Variants in AGO3 observed in about 807,000 individuals in gnomAD.
AGO3 encodes argonaute RISC catalytic component 3.
In AGO3, 16 loss-of-function variants were observed where a neutral mutation model predicts 105.5. The observed-to-expected ratio is 0.15, with a 90% CI of 0.10 to 0.23. The LOEUF is 0.23. Among genes scored for constraint, AGO3 ranks in the 10% least tolerant of loss-of-function variants. The pLI is 1.00. For synonymous variants in AGO3, 340 were observed against 367.3 expected (o/e 0.93, Z 0.85); for missense variants, 534 against 1,088.0 (o/e 0.49, Z 7.16).
rs1646906777 is a variant in AGO3, at chr1:35,973,637, A to C, written c.658+126A>C. On this transcript the variant is annotated intron_variant, in intron 5 of 18. Coordinates refer to ENST00000373191, the MANE Select transcript of AGO3 (RefSeq NM_024852.4). The stretch of plus-strand genomic sequence containing the variant: ...AATATTTGGACATGTATTATGATCT[A>C]CTGGAGAAACCTTTATATTTTTATT... The C allele has an allele frequency of 6.5e-6, 7 of 1,075,952 alleles. No homozygotes were observed. In the East Asian group the frequency reaches 9.0e-5, roughly 14 times the overall value. The allele number at this position is 1,075,952 out of a possible 1,614,324, so 66.7% of individuals were successfully genotyped here.
At chr1:35,957,099 C>G (rs953969647) in intron 2 of AGO3, among the ~76,000 whole-genome samples, 2 of 152,112 alleles carry the variant, frequency 1.3e-5, no homozygotes, top group African/African-American at 2.4e-5. Context: ...CCTGTAATCT[C>G]AGCCCTTTGG....
At chr1:35,934,164 G>A (rs1206313023) in intron 1 of AGO3, among the ~76,000 whole-genome samples, 3 of 152,170 alleles carry the variant, frequency 2.0e-5, no homozygotes, top group African/African-American at 7.2e-5. Flanking sequence ...AGTGGGAATA[G>A]GGAGCTGCAG....
chr1:36,041,632 T>C (rs1338865073), intron 16 of AGO3, among the ~76,000 whole-genome samples: 1 of 152,152 alleles, frequency 6.6e-6, no homozygotes, highest in Non-Finnish European at 1.5e-5. Flanking sequence ...CCTGTAAATC[T>C]TGGAGCAGAG....
intron 5 of AGO3, among the ~76,000 whole-genome samples, chr1:35,978,652 G>A (rs1646995676): frequency 6.6e-6 from 1 of 152,196 alleles, no homozygotes; most frequent in African/African-American, 2.4e-5. Flanking sequence ...TTTGAGGATA[G>A]AGCAGCTTCC....
intron 17 of AGO3, among the ~76,000 whole-genome samples, chr1:36,047,924 GA>G (rs1223153028): frequency 6.6e-6 from 1 of 151,890 alleles, no homozygotes. Context: ...AATCTGGGGA[GA>G]AATATAGACA....
chr1:35,962,899 A>G (rs1262189156), intron 2 of AGO3, among the ~76,000 whole-genome samples: 1 of 152,260 alleles, frequency 6.6e-6, no homozygotes, highest in East Asian at 1.9e-4. Context: ...ATTTAATTTG[A>G]TGATGTTCTC....
chr1:35,952,136 C>CTTTTTTTTTTTTTTTTT lies in AGO3; in HGVS notation c.191+6276_191+6277insTTTTTTTTTTTTTTTTT, dbSNP rs1557648119. On this transcript the variant is annotated intron_variant, in intron 2 of 18. Transcript: ENST00000373191. Reference sequence around the variant, plus strand: ...TCTTTCTTTCTTTCTTTCTTTCTTTCTTTCTTTCTTTCTTTTTTTTTTTTT... The same window carrying CTTTTTTTTTTTTTTTTT: ...TCTTTCTTTCTTTCTTTCTTTCTTTCTTTTTTTTTTTTTTTTTTTTCTTTCTTTCTTTTTTTTTTTTT... 1.8e-5 allele frequency among the ~76,000 whole-genome samples: 2 copies of CTTTTTTTTTTTTTTTTT among 111,520 alleles called. 1 individual carries two copies. The highest frequency in any genetic ancestry group is 8.9e-5 in the African/African-American group (2 of 22,530). 73.2% of individuals were successfully genotyped at this position (111,520 alleles called of 152,430 possible).
intron 2 of AGO3, among the ~76,000 whole-genome samples, chr1:35,955,501 A>C (rs998704901): frequency 3.3e-5 from 5 of 152,224 alleles, no homozygotes; most frequent in East Asian, 1.9e-4. Flanking sequence ...TTAATGGTAC[A>C]AAAAACCCTG....
At chr1:35,965,805 T>C (rs1646762566) in intron 2 of AGO3, among the ~76,000 whole-genome samples, 1 of 150,366 alleles carries the variant, frequency 6.7e-6, no homozygotes, top group African/African-American at 2.4e-5. Context: ...TTAACTGAGG[T>C]AGACTTGAAT....
chr1:36,045,752 A>C (rs969670603), intron 17 of AGO3, among the ~76,000 whole-genome samples: 2 of 152,152 alleles, frequency 1.3e-5, no homozygotes, highest in African/African-American at 4.8e-5. Flanking sequence ...CATGTTGGCC[A>C]GGATGGTCTT....
intron 2 of AGO3, among the ~76,000 whole-genome samples, chr1:35,952,863 C>T (rs1646498944): frequency 6.6e-6 from 1 of 152,160 alleles, no homozygotes; most frequent in Non-Finnish European, 1.5e-5. Flanking sequence ...AACATATCCC[C>T]ATCGTTAAGT....
At chr1:36,019,792 A>G (rs2148825741) in intron 11 of AGO3, among the ~76,000 whole-genome samples, 1 of 150,058 alleles carries the variant, frequency 6.7e-6, no homozygotes, top group South Asian at 2.1e-4. Context: ...GTTTTGAGAC[A>G]TAGTCTCACT....
chr1:35,974,124 C>T (rs1646916529), intron 5 of AGO3, among the ~76,000 whole-genome samples: 1 of 152,092 alleles, frequency 6.6e-6, no homozygotes, highest in Non-Finnish European at 1.5e-5. Context: ...CAATGTGTAC[C>T]TCTAAAACTA....
intron 5 of AGO3, among the ~76,000 whole-genome samples, chr1:36,000,613 T>C (rs1244874173): frequency 2.0e-5 from 3 of 152,292 alleles, no homozygotes; most frequent in Non-Finnish European, 2.9e-5. Flanking sequence ...TTATTCACTT[T>C]CTATTTATCT....
chr1:36,044,289 C>T (rs1318453854), intron 17 of AGO3, among the ~76,000 whole-genome samples: 1 of 152,024 alleles, frequency 6.6e-6, no homozygotes, highest in African/African-American at 2.4e-5. Flanking sequence ...GGGAGGTTGC[C>T]ATGAGCCAAA....
rs529164651 is a variant in AGO3, at chr1:36,059,335, G to C, written c.*3590G>C. The C allele has an allele frequency of 4.0e-5, 6 of 151,692 alleles. No individual in the cohort carries two copies. Among genetic ancestry groups the C allele is most frequent in the Non-Finnish European group, 7.4e-5 (5 of 67,914 alleles). 9.4% of individuals were successfully genotyped at this position (151,692 alleles called of 1,614,324 possible). A position where few individuals can be genotyped will look rare whatever the true frequency, so the allele number is the denominator to read the frequency against. On this transcript the variant is annotated 3_prime_UTR_variant, in exon 19 of 19. Transcript: ENST00000373191. The stretch of plus-strand genomic sequence containing the variant: ...TAAGATAAAAGGCTAAGTGACAAAT[G>C]CTTCTTGAAATTTGTCCTATTTATT...
chr1:36,024,465 T>G (rs1040181550), intron 11 of AGO3, among the ~76,000 whole-genome samples: 2 of 152,102 alleles, frequency 1.3e-5, no homozygotes, highest in African/African-American at 2.4e-5. Context: ...CTCTCTTGCC[T>G]TCTGGTTCTT....
At chr1:35,947,698 A>G (rs1646392752) in intron 2 of AGO3, among the ~76,000 whole-genome samples, 1 of 152,046 alleles carries the variant, frequency 6.6e-6, no homozygotes, top group Non-Finnish European at 1.5e-5. Flanking sequence ...CTTATCTCCT[A>G]GGATCTTAGG....
intron 5 of AGO3, among the ~76,000 whole-genome samples, chr1:35,997,823 A>G (rs141848633): frequency 1.3e-5 from 2 of 152,050 alleles, no homozygotes; most frequent in East Asian, 3.9e-4. Flanking sequence ...CAGCCTCCCG[A>G]GTATCCAGGA....
Sources: allele counts gnomAD v4.1 joint callset (sites outside exome capture counted in the v4.1 genomes callset), GRCh38; gene constraint gnomAD v4.1.1; transcripts MANE v1.5; gene names NCBI Gene and HGNC (gene_info 2026-07-23, HGNC 2026-07-21).